Variants in LTBP1 observed in about 807,000 individuals in gnomAD.
LTBP1 encodes the protein latent transforming growth factor beta binding protein 1, also known as latent-transforming growth factor beta-binding protein 1.
In LTBP1, 129 loss-of-function variants were observed where a neutral mutation model predicts 207.6. The ratio of observed to expected loss-of-function variants is 0.62; its 90% CI spans 0.54 to 0.72. The LOEUF (loss-of-function observed/expected upper bound fraction) is 0.72. Ranked by LOEUF, LTBP1 falls within the 30% of genes least tolerant of loss-of-function variation. LTBP1 has a pLI of 0.00. For missense variants in LTBP1, 2,281 were observed against 2,217.2 expected, an observed-to-expected ratio of 1.03 and a Z score of -0.58; for synonymous variants, 963 against 833.7, an observed-to-expected ratio of 1.16 and a Z score of -2.67.
At position 33,018,481 on chromosome 2, in the gene LTBP1, G is replaced by A. The variant is rs1688697858; in HGVS notation, c.566-2428G>A. Among the ~76,000 whole-genome samples the A allele has an allele frequency of 2.6e-5, 4 of 152,168 alleles. No homozygotes were observed. The South Asian group carries it at 8.3e-4, about 32-fold the overall frequency. On this transcript the variant is annotated intron_variant, in intron 2 of 33. Coordinates refer to ENST00000404816, the MANE Select transcript of LTBP1 (RefSeq NM_206943.4). The stretch of plus-strand genomic sequence containing the variant: ...GCACACATGAAAGGGCCTGGGTGGT[G>A]AGCTCAGGCCAAGGCACAGCTTTGA...
chr2:33,038,534 C>T (rs965262374), intron 3 of LTBP1, among the ~76,000 whole-genome samples: 1 of 152,208 alleles, frequency 6.6e-6, no homozygotes, highest in Non-Finnish European at 1.5e-5. Context: ...GTGAAGATTT[C>T]TCTTACTTTC....
At chr2:33,267,861 A>G (rs2093222681) in intron 15 of LTBP1, among the ~76,000 whole-genome samples, 2 of 152,194 alleles carry the variant, frequency 1.3e-5, no homozygotes, top group Non-Finnish European at 2.9e-5. Context: ...AGAGCTGGTT[A>G]AAAAAACAAT....
chr2:32,953,336 G>A (rs1030046446), intron 2 of LTBP1, among the ~76,000 whole-genome samples: 10 of 152,134 alleles, frequency 6.6e-5, no homozygotes, highest in Admixed American at 5.2e-4. Flanking sequence ...CTTGGGAGTC[G>A]AGCCCAGAGT....
chr2:33,232,540 A>G (rs190326148), intron 9 of LTBP1, among the ~76,000 whole-genome samples: 134 of 152,024 alleles, frequency 8.8e-4, no homozygotes, highest in Admixed American at 2.4e-3. Context: ...ATTTACTGTC[A>G]TTTTTCTGAT....
intron 2 of LTBP1, among the ~76,000 whole-genome samples, chr2:33,016,913 A>T (rs185254889): frequency 9.5e-4 from 145 of 152,278 alleles, no homozygotes; most frequent in South Asian, 3.1e-3. Context: ...GCTACTTGGG[A>T]GGCTGAGGCA....
rs566623303 is a variant in LTBP1 at position 33,043,315 on chromosome 2, AT to A, written c.863+22121del. ...ATGAGTCTATAATAATTGGTCAAGA[AT>A]TTTTTTTTTTTACTTATTAAAAGAA... On this transcript the variant is annotated intron_variant, in intron 3 of 33. Coordinates refer to ENST00000404816, the MANE Select transcript of LTBP1 (RefSeq NM_206943.4). 1.9e-3 allele frequency among the ~76,000 whole-genome samples: 279 copies of A among 148,056 alleles called. 1 individual carries two copies. The highest frequency in any genetic ancestry group is 5.7e-3 in the African/African-American group (232 of 40,570).
chr2:33,388,146 T>A (rs2095283886), intron 31 of LTBP1, among the ~76,000 whole-genome samples: 1 of 152,198 alleles, frequency 6.6e-6, no homozygotes, highest in Non-Finnish European at 1.5e-5. Context: ...ATGAAAAGCA[T>A]TGAAACCTCA....
rs190796332 is a variant in LTBP1, at chr2:33,115,731, T to G, written c.1033+4980T>G. On this transcript the variant is annotated intron_variant, in intron 4 of 33. Transcript: ENST00000404816. ...CTATTGTGTTTAGTTTAGTAATTTT[T>G]TTTAACCCAGAGGAAGAAAATGGAA... is the stretch of plus-strand genomic sequence containing the variant. Among the ~76,000 whole-genome samples the G allele has an allele frequency of 8.5e-3, 1,291 of 152,272 alleles. 10 individuals carry two copies. The highest frequency in any genetic ancestry group is 0.013 in the Non-Finnish European group (887 of 68,018).
chr2:33,104,540 C>T (rs2079942307), intron 3 of LTBP1, among the ~76,000 whole-genome samples: 1 of 152,158 alleles, frequency 6.6e-6, no homozygotes, highest in African/African-American at 2.4e-5. Context: ...TGGTCCTCTC[C>T]TGCTTCCTCC....
chr2:33,277,829 CTTTTTT>C (rs199950784), intron 18 of LTBP1, among the ~76,000 whole-genome samples: 1 of 85,188 alleles, frequency 1.2e-5, no homozygotes, highest in Non-Finnish European at 2.2e-5. Context: ...TTCTTTCTTT[CTTTTTT>C]TTTTTTTTTT....
At chr2:32,951,946 T>A (rs1416362183) in intron 2 of LTBP1, among the ~76,000 whole-genome samples, 1 of 152,206 alleles carries the variant, frequency 6.6e-6, no homozygotes, top group Non-Finnish European at 1.5e-5. Flanking sequence ...TTCCCCCTTA[T>A]AATAGTCATC....
chr2:33,335,506 T>C (rs911674681), intron 24 of LTBP1, among the ~76,000 whole-genome samples: 4 of 152,224 alleles, frequency 2.6e-5, no homozygotes, highest in Admixed American at 6.5e-5. Context: ...AGTGGACCTT[T>C]TTTAAAAGGA....
intron 19 of LTBP1, among the ~76,000 whole-genome samples, chr2:33,285,412 T>C (rs929443706): frequency 5.9e-5 from 9 of 151,738 alleles, no homozygotes; most frequent in African/African-American, 2.2e-4. Context: ...TTAATTCTTC[T>C]TATGTCATTG....
At position 32,947,057 on chromosome 2, in the gene LTBP1, G is replaced by GCCCGCTCCCCTCGCCCCTC. The variant is rs1676282399; in HGVS notation, c.-257_-239dup. The GCCCGCTCCCCTCGCCCCTC allele has an allele frequency of 1.4e-5, 4 of 280,488 alleles. No homozygotes were observed. In the East Asian group the frequency reaches 1.8e-4, roughly 13 times the overall value. 17.4% of individuals were successfully genotyped at this position (280,488 alleles called of 1,614,324 possible). A position where few individuals can be genotyped will look rare whatever the true frequency, so the allele number is the denominator to read the frequency against. ...GACGCGCGGACCCTCACCTTGCGCG[G>GCCCGCTCCCCTCGCCCCTC]CCCGCTCCCCTCGCCCCTCCCCGCT... On this transcript the variant is annotated 5_prime_UTR_variant, in exon 1 of 34. Transcript: ENST00000404816.
intron 31 of LTBP1, among the ~76,000 whole-genome samples, chr2:33,372,200 C>CT (rs1335538721): frequency 6.6e-6 from 1 of 152,172 alleles, no homozygotes; most frequent in Non-Finnish European, 1.5e-5. Flanking sequence ...TCCAGGCACC[C>CT]TTGCTCCAGA....
At chr2:33,223,049 C>T (rs2091219336) in intron 9 of LTBP1, among the ~76,000 whole-genome samples, 1 of 152,140 alleles carries the variant, frequency 6.6e-6, no homozygotes, top group Non-Finnish European at 1.5e-5. Flanking sequence ...GATTTGTGTT[C>T]TGAGGCTCTG....
At chr2:33,274,040 G>A (rs3754829) in intron 16 of LTBP1, among the ~76,000 whole-genome samples, 82,159 of 151,958 alleles carry the variant, frequency 0.54, 23,234 homozygotes, top group African/African-American at 0.68. Context: ...AGCTTTTTGG[G>A]TAAAGTAAAC....
At chr2:33,264,255 C>CAA (rs33981203) in intron 15 of LTBP1, among the ~76,000 whole-genome samples, 13 of 91,200 alleles carry the variant, frequency 1.4e-4, no homozygotes, top group Middle Eastern at 5.2e-3. Flanking sequence ...GACTCTGTCT[C>CAA]AAAAAAAAAA....
Position 33,360,215 on chromosome 2 carries a change from G to A in LTBP1, c.4001-382G>A, listed in dbSNP as rs144327506. 5.3e-5 allele frequency among the ~76,000 whole-genome samples: 8 copies of A among 152,312 alleles called. No homozygotes were observed. In the East Asian group the frequency reaches 5.8e-4, roughly 11 times the overall value. Reference sequence around the variant, plus strand: ...AAATATTATGTGTGGGCTCAGACCCGTGGTCAAGTATTTGGGAAAATTTTT... The same window carrying A: ...AAATATTATGTGTGGGCTCAGACCCATGGTCAAGTATTTGGGAAAATTTTT... On this transcript the variant is annotated intron_variant, in intron 26 of 33. Coordinates refer to ENST00000404816, the MANE Select transcript of LTBP1 (RefSeq NM_206943.4).
Sources: gnomAD v4.1 joint callset for allele counts (sites outside exome capture counted in the v4.1 genomes callset) on GRCh38, gnomAD v4.1.1 for gene constraint, MANE v1.5 for transcripts, NCBI Gene and HGNC (gene_info 2026-07-23, HGNC 2026-07-21) for gene names.